The following AHCYL2 variants were observed in gnomAD, a reference collection of about 807,000 sequenced individuals.
AHCYL2 encodes S-adenosylhomocysteine hydrolase-like protein 2.
AHCYL2 carries 28 observed loss-of-function variants against 81.4 expected under a neutral mutation model. The ratio of observed to expected loss-of-function variants is 0.34; its 90% CI spans 0.25 to 0.47. The LOEUF (loss-of-function observed/expected upper bound fraction) is 0.47. Among genes scored for constraint, AHCYL2 ranks in the 20% least tolerant of loss-of-function variants. AHCYL2 has a pLI of 1.00. For missense variants in AHCYL2, 551 were observed against 785.1 expected (o/e 0.70, Z 3.56); for synonymous variants, 272 against 290.2 (o/e 0.94, Z 0.64).
rs955952964 is a variant in AHCYL2 at position 129,375,148 on chromosome 7, A to G, written c.364-4490A>G. 2.3e-4 allele frequency among the ~76,000 whole-genome samples: 35 copies of G among 152,286 alleles called. 1 individual carries two copies. Among genetic ancestry groups the G allele is most frequent in the African/African-American group, 6.7e-4 (28 of 41,552 alleles). On this transcript the variant is annotated intron_variant, in intron 1 of 16. Transcript: ENST00000325006. ...GTCACTCTGTGCCAAATCAGCAACA[A>G]TCTTGAGCTGGGACTAGAAACCAAA...
chr7:129,252,892 C>T (rs1795290830), intron 1 of AHCYL2, among the ~76,000 whole-genome samples: 1 of 151,946 alleles, frequency 6.6e-6, no homozygotes, highest in Non-Finnish European at 1.5e-5. Flanking sequence ...GAAGACTCAG[C>T]AGGTGGGCTC....
chr7:129,422,105 T>G (rs1383444874), intron 12 of AHCYL2, among the ~76,000 whole-genome samples: 1 of 152,264 alleles, frequency 6.6e-6, no homozygotes, highest in East Asian at 1.9e-4. Context: ...TGTTATTTGA[T>G]TGCTGCTGTT....
At chr7:129,338,149 A>T (rs1171474639) in intron 1 of AHCYL2, among the ~76,000 whole-genome samples, 1 of 152,090 alleles carries the variant, frequency 6.6e-6, no homozygotes, top group Non-Finnish European at 1.5e-5. Flanking sequence ...GCTGATTCCA[A>T]GGATGTATGC....
At position 129,225,400 on chromosome 7, in the gene AHCYL2, C is replaced by T. The variant is rs1794174049; in HGVS notation, c.324C>T (p.Pro108=). ...HRDGGEALVS[P]DGTVTEAPRT... is the part of the protein sequence containing the mutation. ...ACGGCGGCGAGGCCCTGGTCAGCCC[C>T]GACGGCACCGTCACCGAGGCGCCGC... The change falls in exon 1 of 17, where the codon CCC becomes CCT. Residue 108 remains proline, a synonymous_variant. Transcript: ENST00000325006. 2 of 1,516,750 alleles carry T rather than the reference C, an allele frequency of 1.3e-6. No homozygotes were observed. Among genetic ancestry groups the T allele is most frequent in the Non-Finnish European group, 1.8e-6 (2 of 1,138,072 alleles). 94.0% of individuals were successfully genotyped at this position (1,516,750 alleles called of 1,614,324 possible). A position where few individuals can be genotyped will look rare whatever the true frequency, so the allele number is the denominator to read the frequency against.
rs541523864 is a variant in AHCYL2, at chr7:129,296,724, A to G, written c.363+71285A>G. ...GACCCTGTCTCTAAAAAATAAAAATAAATAAGAAATTTTGGCTTCCTAGAA... is the reference window on the plus strand; with the variant it reads ...GACCCTGTCTCTAAAAAATAAAAATGAATAAGAAATTTTGGCTTCCTAGAA... On this transcript the variant is annotated intron_variant, in intron 1 of 16. Transcript: ENST00000325006. 4.9e-4 allele frequency among the ~76,000 whole-genome samples: 75 copies of G among 152,178 alleles called. 1 individual carries two copies. Among genetic ancestry groups the G allele is most frequent in the Admixed American group, 1.5e-3 (23 of 15,292 alleles).
At chr7:129,421,298 ATGTC>A (rs1797109006) in intron 12 of AHCYL2, among the ~76,000 whole-genome samples, 1 of 151,882 alleles carries the variant, frequency 6.6e-6, no homozygotes, top group Admixed American at 6.6e-5. Context: ...TAACACATAT[ATGTC>A]TGTCTTTTTT....
At chr7:129,364,880 T>C (rs1241295007) in intron 1 of AHCYL2, among the ~76,000 whole-genome samples, 4 of 152,234 alleles carry the variant, frequency 2.6e-5, no homozygotes. Context: ...ATAAGTCATA[T>C]AGGTGTAGTC....
intron 1 of AHCYL2, among the ~76,000 whole-genome samples, chr7:129,281,582 C>T (rs1234424134): frequency 1.3e-5 from 2 of 150,282 alleles, no homozygotes; most frequent in Non-Finnish European, 3.0e-5. Flanking sequence ...CTGCAAACTC[C>T]GCATCCTGGG....
chr7:129,342,973 T>A (rs894770993), intron 1 of AHCYL2, among the ~76,000 whole-genome samples: 1 of 152,200 alleles, frequency 6.6e-6, no homozygotes, highest in Non-Finnish European at 1.5e-5. Flanking sequence ...ATCTTTTCTC[T>A]TTTCCTTTGG....
At chr7:129,329,093 A>C (rs887416128) in intron 1 of AHCYL2, among the ~76,000 whole-genome samples, 4 of 152,252 alleles carry the variant, frequency 2.6e-5, no homozygotes, top group African/African-American at 7.2e-5. Flanking sequence ...CAAATGAGAG[A>C]ATGCAGTAAA....
chr7:129,334,394 T>G (rs1294319254), intron 1 of AHCYL2, among the ~76,000 whole-genome samples: 1 of 152,216 alleles, frequency 6.6e-6, no homozygotes, highest in Non-Finnish European at 1.5e-5. Flanking sequence ...CATGGTTACT[T>G]CCTGATCCTA....
At chr7:129,366,069 A>C (rs1166879315) in intron 1 of AHCYL2, among the ~76,000 whole-genome samples, 2 of 152,176 alleles carry the variant, frequency 1.3e-5, no homozygotes, top group African/African-American at 4.8e-5. Flanking sequence ...AGACTTTATC[A>C]GAGTTGACAC....
intron 2 of AHCYL2, among the ~76,000 whole-genome samples, chr7:129,385,859 T>C (rs1795174929): frequency 6.6e-6 from 1 of 152,220 alleles, no homozygotes; most frequent in Admixed American, 6.5e-5. Context: ...TGTTCAAGTG[T>C]GTTTGTACAT....
At chr7:129,323,985 C>T (rs1455035011) in intron 1 of AHCYL2, among the ~76,000 whole-genome samples, 1 of 151,930 alleles carries the variant, frequency 6.6e-6, no homozygotes, top group Admixed American at 6.6e-5. Flanking sequence ...ATTCTCCTGC[C>T]TCAGACTCTC....
At chr7:129,399,836 C>T (rs1056859571) in intron 5 of AHCYL2, among the ~76,000 whole-genome samples, 9 of 151,026 alleles carry the variant, frequency 6.0e-5, no homozygotes, top group East Asian at 2.0e-4. Flanking sequence ...AAGCAATTCT[C>T]CTGCCTCAGG....
intron 1 of AHCYL2, among the ~76,000 whole-genome samples, chr7:129,344,714 G>A (rs985554980): frequency 6.6e-6 from 1 of 152,166 alleles, no homozygotes; most frequent in African/African-American, 2.4e-5. Flanking sequence ...ACTGTTGATG[G>A]AGTATAGTGA....
intron 1 of AHCYL2, among the ~76,000 whole-genome samples, chr7:129,378,248 G>A (rs188530462): frequency 7.2e-4 from 110 of 152,014 alleles, no homozygotes; most frequent in African/African-American, 2.5e-3. Context: ...GGAGGTGGAG[G>A]TTGCAGTGAG....
intron 1 of AHCYL2, among the ~76,000 whole-genome samples, chr7:129,365,962 A>T (rs1192042145): frequency 6.6e-6 from 1 of 152,138 alleles, no homozygotes; most frequent in Non-Finnish European, 1.5e-5. Context: ...GAAATACACC[A>T]TTGGCAATTT....
chr7:129,382,504 G>T (rs1029794179), intron 2 of AHCYL2, among the ~76,000 whole-genome samples: 1 of 152,184 alleles, frequency 6.6e-6, no homozygotes, highest in Non-Finnish European at 1.5e-5. Flanking sequence ...GGAGTCTGAG[G>T]CATGAGAATC....
Sources: gnomAD v4.1 joint callset for allele counts (sites outside exome capture counted in the v4.1 genomes callset) on GRCh38, gnomAD v4.1.1 for gene constraint, MANE v1.5 for transcripts, NCBI Gene and HGNC (gene_info 2026-07-23, HGNC 2026-07-21) for gene names.